Variants in LRRC7 observed in about 807,000 individuals in gnomAD.
LRRC7 encodes leucine rich repeat containing 7, also known as leucine-rich repeat-containing protein 7.
Under a neutral mutation model 175.7 loss-of-function variants are expected in LRRC7, and 23 were observed. The ratio of observed to expected loss-of-function variants is 0.13; its 90% confidence interval spans 0.09 to 0.19. LRRC7 has a LOEUF of 0.19. Among genes scored for constraint, LRRC7 ranks in the 10% least tolerant of loss-of-function variants. The pLI is 1.00. For missense variants in LRRC7, 1,354 were observed against 1,904.7 expected, an observed-to-expected ratio of 0.71 and a Z score of 5.38; for synonymous variants, 685 against 680.9, an observed-to-expected ratio of 1.01 and a Z score of -0.09.
intron 1 of LRRC7, among the ~76,000 whole-genome samples, chr1:69,604,505 C>T (rs977805475): frequency 6.6e-6 from 1 of 152,098 alleles, no homozygotes. Flanking sequence ...ACTAGAAAAA[C>T]ATTAATTCAC....
chr1:69,921,979 G>T (rs1646902562), intron 7 of LRRC7, among the ~76,000 whole-genome samples: 1 of 152,114 alleles, frequency 6.6e-6, no homozygotes, highest in African/African-American at 2.4e-5. Context: ...AGGCTGGGGT[G>T]CGATGGCACT....
At chr1:69,744,447 A>G (rs1669045616) in intron 2 of LRRC7, among the ~76,000 whole-genome samples, 1 of 151,902 alleles carries the variant, frequency 6.6e-6, no homozygotes, top group South Asian at 2.1e-4. Flanking sequence ...TTAATGAGAA[A>G]TAAGGCACAT....
chr1:69,925,701 T>C (rs545353109), intron 7 of LRRC7, among the ~76,000 whole-genome samples: 4 of 152,330 alleles, frequency 2.6e-5, no homozygotes, highest in East Asian at 1.9e-4. Context: ...TTCTTCTTTA[T>C]TAGTCTTGCT....
rs1285233599 is a variant in LRRC7 at position 69,978,195 on chromosome 1, A to G, written c.712-2184A>G. ...TGCCTCGGGAGGCCGAGGCAGGAGA[A>G]TGGCTTGAACCCAGGAGGCAGAGGT... On this transcript the variant is annotated intron_variant, in intron 8 of 26. Transcript: ENST00000651989. 2.0e-5 allele frequency among the ~76,000 whole-genome samples: 3 copies of G among 151,964 alleles called. No homozygotes were observed. The East Asian group carries it at 5.9e-4, about 30-fold the overall frequency.
In LRRC7 at chr1:69,724,792, A is replaced by AT. The variant is rs1666761700; in HGVS notation, c.101-35392dup. On this transcript the variant is annotated intron_variant, in intron 2 of 26. Coordinates refer to ENST00000651989, the MANE Select transcript of LRRC7 (RefSeq NM_001370785.2). ...AATTATACAATTTTGTGGTTATTGA[A>AT]TTTTTTTAAATAAAATCATTTCACT... is the stretch of plus-strand genomic sequence containing the variant. Among the ~76,000 whole-genome samples the AT allele has an allele frequency of 2.6e-5, 4 of 152,238 alleles. No individual in the cohort carries two copies. In the South Asian group the frequency reaches 6.2e-4, roughly 24 times the overall value.
In LRRC7 at chr1:70,125,108, A is replaced by G. The variant is rs577314764; in HGVS notation, c.*3221A>G. On this transcript the variant is annotated 3_prime_UTR_variant, in exon 27 of 27. Coordinates refer to ENST00000651989, the MANE Select transcript of LRRC7 (RefSeq NM_001370785.2). The stretch of plus-strand genomic sequence containing the variant: ...TAAACATACATAGTAACTCCAAAGT[A>G]TAAGTGCATTTTTGACAAGGAATAT... Among the ~76,000 whole-genome samples the G allele has an allele frequency of 4.6e-5, 7 of 152,384 alleles. No homozygotes were observed. In the South Asian group the frequency reaches 1.0e-3, roughly 23 times the overall value.
intron 3 of LRRC7, among the ~76,000 whole-genome samples, chr1:69,783,481 G>A (rs1674016878): frequency 6.6e-6 from 1 of 152,126 alleles, no homozygotes; most frequent in Admixed American, 6.5e-5. Context: ...TGGAGGCCGG[G>A]CGCAGTGGCT....
At position 70,144,312 on chromosome 1, in the gene LRRC7, T is replaced by TAAC. The variant is rs1216011229; in HGVS notation, c.*22427_*22429dup. 2.6e-5 allele frequency: 4 copies of TAAC among 152,182 alleles called. No homozygotes were observed. The highest frequency in any genetic ancestry group is 5.9e-5 in the Non-Finnish European group (4 of 68,028). 9.4% of individuals were successfully genotyped at this position (152,182 alleles called of 1,614,324 possible). A position where few individuals can be genotyped will look rare whatever the true frequency, so the allele number is the denominator to read the frequency against. On this transcript the variant is annotated 3_prime_UTR_variant, in exon 27 of 27. Coordinates refer to ENST00000651989, the MANE Select transcript of LRRC7 (RefSeq NM_001370785.2). ...TCAGTATTTAAAAAAGTGTTTTGAA[T>TAAC]AACATAAAAGTCTCCTTATTGTATA... is the stretch of plus-strand genomic sequence containing the variant.
chr1:69,867,787 T>C (rs2101565120), intron 7 of LRRC7, among the ~76,000 whole-genome samples: 1 of 152,296 alleles, frequency 6.6e-6, no homozygotes, highest in South Asian at 2.1e-4. Flanking sequence ...GAAGACTTGG[T>C]GCTTGATGCT....
chr1:69,767,391 G>A (rs1036375573), intron 3 of LRRC7, among the ~76,000 whole-genome samples: 13 of 151,936 alleles, frequency 8.6e-5, no homozygotes, highest in African/African-American at 1.2e-4. Flanking sequence ...ATAGTCTTTC[G>A]TATACATAAA....
At chr1:70,022,077 G>A (rs1288424658) in intron 16 of LRRC7, among the ~76,000 whole-genome samples, 3 of 152,048 alleles carry the variant, frequency 2.0e-5, no homozygotes, top group South Asian at 2.1e-4. Context: ...TTACTGGCAA[G>A]GCCTACCAAT....
intron 25 of LRRC7, among the ~76,000 whole-genome samples, chr1:70,105,549 T>C (rs895203898): frequency 3.9e-5 from 6 of 152,182 alleles, no homozygotes; most frequent in Admixed American, 1.3e-4. Flanking sequence ...ACACACATTG[T>C]TTTATAACCT....
chr1:69,972,856 A>G lies in LRRC7; in HGVS notation c.712-7523A>G, dbSNP rs1407400296. On this transcript the variant is annotated intron_variant, in intron 8 of 26. Coordinates refer to ENST00000651989, the MANE Select transcript of LRRC7 (RefSeq NM_001370785.2). Reference sequence around the variant, plus strand: ...CAGCACAGTTTGCAATTGCAAAAACATGGAACCAACCCGAGTGCCCATCAA... The same window carrying G: ...CAGCACAGTTTGCAATTGCAAAAACGTGGAACCAACCCGAGTGCCCATCAA... Among the ~76,000 whole-genome samples, 4 of 151,014 alleles carry G rather than the reference A, an allele frequency of 2.6e-5. No homozygotes were observed. In the South Asian group the frequency reaches 6.2e-4, roughly 24 times the overall value.
intron 7 of LRRC7, among the ~76,000 whole-genome samples, chr1:69,886,232 T>A (rs1478145054): frequency 6.6e-6 from 1 of 151,926 alleles, no homozygotes; most frequent in Admixed American, 6.6e-5. Context: ...AAGTCTCCCA[T>A]TGTTAATGTG....
At chr1:69,694,972 T>C (rs1305815483) in intron 2 of LRRC7, among the ~76,000 whole-genome samples, 1 of 152,196 alleles carries the variant, frequency 6.6e-6, no homozygotes, top group Non-Finnish European at 1.5e-5. Flanking sequence ...AAACTGTTAC[T>C]GAGGAGTGGA....
chr1:70,035,422 T>TA (rs1006644234), intron 18 of LRRC7, among the ~76,000 whole-genome samples: 1 of 152,038 alleles, frequency 6.6e-6, no homozygotes, highest in Non-Finnish European at 1.5e-5. Context: ...TGTTGCTCGT[T>TA]ACACTCAAAG....
intron 2 of LRRC7, among the ~76,000 whole-genome samples, chr1:69,692,396 G>A (rs974213712): frequency 5.3e-5 from 8 of 152,164 alleles, no homozygotes; most frequent in Non-Finnish European, 1.5e-5. Context: ...CACTTCTAAT[G>A]TTCCCTAAAG....
intron 1 of LRRC7, among the ~76,000 whole-genome samples, chr1:69,578,072 A>G (rs935947852): frequency 1.3e-5 from 2 of 152,192 alleles, no homozygotes; most frequent in Non-Finnish European, 2.9e-5. Flanking sequence ...CAGAATCTAC[A>G]ATGAACTCAA....
intron 3 of LRRC7, among the ~76,000 whole-genome samples, chr1:69,781,765 G>A (rs1178722504): frequency 2.6e-5 from 1 of 38,526 alleles, no homozygotes; most frequent in Non-Finnish European, 4.5e-5. Flanking sequence ...GAGAGAGAGA[G>A]AAAGAAAGAA....
Sources: allele counts gnomAD v4.1 joint callset (sites outside exome capture counted in the v4.1 genomes callset), GRCh38; gene constraint gnomAD v4.1.1; transcripts MANE v1.5; gene names NCBI Gene and HGNC (gene_info 2026-07-23, HGNC 2026-07-21).